The following NDUFAF6 variants were observed in gnomAD, a reference collection of about 807,000 sequenced individuals.
The protein encoded by NDUFAF6 is NADH dehydrogenase (ubiquinone) complex I, assembly factor 6.
In NDUFAF6, 45 loss-of-function variants were observed where a neutral mutation model predicts 40.8. That is an observed-to-expected ratio of 1.10 (90% CI 0.87 to 1.42). NDUFAF6 has a LOEUF of 1.42. Among genes scored for constraint, NDUFAF6 ranks in the 40% most tolerant of loss-of-function variants. The pLI, the probability that NDUFAF6 is intolerant of heterozygous loss-of-function variation, is 0.00. For synonymous variants in NDUFAF6, 185 were observed against 155.9 expected (o/e 1.19, Z -1.39); for missense variants, 435 against 418.5 (o/e 1.04, Z -0.34).
downstream of NDUFAF6, among the ~76,000 whole-genome samples, chr8:95,076,537 A>C (rs954129072): frequency 6.6e-6 from 1 of 152,168 alleles, no homozygotes; most frequent in African/African-American, 2.4e-5. Context: ...TAAAAAATTG[A>C]GTGCTCACTG....
At chr8:95,109,919 T>A (rs2132085754) in intron 4 of NDUFAF6, among the ~76,000 whole-genome samples, 1 of 152,394 alleles carries the variant, frequency 6.6e-6, no homozygotes, top group East Asian at 1.9e-4. Context: ...TGTGAAGTTG[T>A]GTACCAGTAT....
intron 8 of NDUFAF6, among the ~76,000 whole-genome samples, chr8:95,057,521 G>A (rs1450455006): frequency 2.0e-5 from 3 of 152,116 alleles, no homozygotes; most frequent in African/African-American, 4.8e-5. Context: ...AATAAGGCCA[G>A]GCAAACGTGA....
At chr8:95,060,684 C>G (rs1296295742), downstream of NDUFAF6, among the ~76,000 whole-genome samples, 1 of 152,220 alleles carries the variant, frequency 6.6e-6, no homozygotes, top group Non-Finnish European at 1.5e-5. Context: ...AGTACTAGAG[C>G]TGGATGCCAG....
intron 2 of NDUFAF6, among the ~76,000 whole-genome samples, chr8:94,952,143 C>A (rs1258321519): frequency 6.6e-6 from 1 of 152,240 alleles, no homozygotes; most frequent in African/African-American, 2.4e-5. Context: ...TCTACCCTAA[C>A]AAAAGGGATT....
At chr8:95,079,214 C>T (rs1002455080), downstream of NDUFAF6, among the ~76,000 whole-genome samples, 3 of 152,058 alleles carry the variant, frequency 2.0e-5, no homozygotes, top group South Asian at 2.1e-4. Context: ...TCAAGTGATC[C>T]GCCCACCTCA....
chr8:95,017,520 C>G (rs192617922), intron 2 of NDUFAF6, among the ~76,000 whole-genome samples: 9 of 152,334 alleles, frequency 5.9e-5, no homozygotes, highest in Non-Finnish European at 8.8e-5. Flanking sequence ...AAGAGTAGAT[C>G]TGACCTAGAG....
intron 1 of NDUFAF6, among the ~76,000 whole-genome samples, chr8:94,897,969 T>C (rs1163690931): frequency 6.6e-6 from 1 of 152,160 alleles, no homozygotes; most frequent in Non-Finnish European, 1.5e-5. Flanking sequence ...TAGGTTACCA[T>C]GATGGATGAT....
intron 2 of NDUFAF6, among the ~76,000 whole-genome samples, chr8:94,999,739 G>A (rs1047227171): frequency 2.0e-5 from 3 of 150,830 alleles, no homozygotes; most frequent in African/African-American, 4.9e-5. Flanking sequence ...TTTTTAAAAT[G>A]CTAGTCATAA....
intron 2 of NDUFAF6, among the ~76,000 whole-genome samples, chr8:94,991,087 G>T (rs1332827902): frequency 6.6e-6 from 1 of 152,138 alleles, no homozygotes; most frequent in Non-Finnish European, 1.5e-5. Flanking sequence ...CTGGTCTAAG[G>T]GAACTGTATA....
chr8:95,107,421 T>C (rs890135175), downstream of NDUFAF6, among the ~76,000 whole-genome samples: 14 of 152,070 alleles, frequency 9.2e-5, no homozygotes, highest in Admixed American at 7.2e-4. Flanking sequence ...AAGTGGGAGT[T>C]GAACAATGAG....
rs748147409 is a variant in NDUFAF6 at position 95,032,042 on chromosome 8, A to C, written c.245A>C (p.Glu82Ala). 6.2e-7 allele frequency: 1 copy of C among 1,614,170 alleles called. No homozygotes were observed. The highest frequency in any genetic ancestry group is 8.5e-7 in the Non-Finnish European group (1 of 1,179,998). The change falls in exon 2 of 9, where the codon GAA becomes GCA. Residue 82 changes from glutamate to alanine, a missense_variant. Glu to Ala is a moderately radical substitution (Grantham distance 107). Coordinates refer to ENST00000396124, the MANE Select transcript of NDUFAF6 (RefSeq NM_152416.4). Reference sequence around the variant, plus strand: ...TTATGCTCCCTGCTGCTCCCTGCAGAATCCCGAAGCTCTGTTTTTGCACTG... The same window carrying C: ...TTATGCTCCCTGCTGCTCCCTGCAGCATCCCGAAGCTCTGTTTTTGCACTG... ...GYLCSLLLPA[E>A]SRSSVFALRA...
intron 1 of NDUFAF6, among the ~76,000 whole-genome samples, chr8:94,897,900 T>A (rs1198317421): frequency 6.6e-6 from 1 of 152,210 alleles, no homozygotes; most frequent in African/African-American, 2.4e-5. Context: ...ATAGTAGGAC[T>A]TGGGTAAATG....
At chr8:95,013,365 C>T (rs1317587885) in intron 2 of NDUFAF6, among the ~76,000 whole-genome samples, 1 of 152,188 alleles carries the variant, frequency 6.6e-6, no homozygotes, top group Non-Finnish European at 1.5e-5. Flanking sequence ...CATGGCCTCC[C>T]AAAGTTCTGG....
intron 1 of NDUFAF6, among the ~76,000 whole-genome samples, chr8:94,932,451 T>C (rs1820504526): frequency 6.6e-6 from 1 of 152,254 alleles, no homozygotes; most frequent in African/African-American, 2.4e-5. Context: ...ACTACAAAGC[T>C]AGCCTAATTT....
chr8:95,015,182 A>C (rs1332231031), intron 2 of NDUFAF6, among the ~76,000 whole-genome samples: 1 of 152,148 alleles, frequency 6.6e-6, no homozygotes, highest in Non-Finnish European at 1.5e-5. Flanking sequence ...CTTGTAGTCC[A>C]TCTGTTTGGG....
intron 2 of NDUFAF6, among the ~76,000 whole-genome samples, chr8:95,101,902 G>T (rs1215221631): frequency 2.0e-5 from 3 of 152,192 alleles, no homozygotes; most frequent in African/African-American, 7.2e-5. Flanking sequence ...TCAGGGCCTG[G>T]TGTCACCTGC....
chr8:95,006,649 G>A lies in NDUFAF6; in HGVS notation c.-83-25346G>A, dbSNP rs550147959. ...TAACCCCAGCATTTTGGGAGGCTAA[G>A]GCGGGCGGATCGCTTGAGCTTAAGA... On this transcript the variant is annotated intron_variant, in intron 2 of 9. Transcript: ENST00000396111. 2.5e-3 allele frequency among the ~76,000 whole-genome samples: 377 copies of A among 152,292 alleles called. 4 individuals are homozygous for A. The highest frequency in any genetic ancestry group is 8.6e-3 in the African/African-American group (359 of 41,566).
At chr8:95,007,926 G>A (rs1393256313) in intron 2 of NDUFAF6, among the ~76,000 whole-genome samples, 1 of 152,044 alleles carries the variant, frequency 6.6e-6, no homozygotes, top group African/African-American at 2.4e-5. Context: ...GTCTCACTAT[G>A]TTGCCCAGGC....
chr8:94,933,476 A>G (rs752328953), intron 1 of NDUFAF6, among the ~76,000 whole-genome samples: 1 of 152,112 alleles, frequency 6.6e-6, no homozygotes, highest in South Asian at 2.1e-4. Flanking sequence ...ATAAAATAGT[A>G]TATCTGGGCC....
Sources: allele counts gnomAD v4.1 joint callset (sites outside exome capture counted in the v4.1 genomes callset), GRCh38; gene constraint gnomAD v4.1.1; transcripts MANE v1.5; gene names NCBI Gene and HGNC (gene_info 2026-07-23, HGNC 2026-07-21).